The following DTWD2 variants were observed in gnomAD, a reference collection of about 807,000 sequenced individuals.
The protein encoded by DTWD2 is tRNA-uridine aminocarboxypropyltransferase 2.
DTWD2 carries 39 observed loss-of-function variants against 31.8 expected under a neutral mutation model. The ratio of observed to expected loss-of-function variants is 1.22; its 90% CI spans 0.95 to 1.60. The LOEUF is 1.60. Ranked by LOEUF, DTWD2 falls within the 40% of genes most tolerant of loss-of-function variation. The pLI is 0.00. For synonymous variants in DTWD2, 180 were observed against 142.8 expected, an observed-to-expected ratio of 1.26 and a Z score of -1.86; for missense variants, 515 against 381.5, an observed-to-expected ratio of 1.35 and a Z score of -2.92.
chr5:118,952,064 A>T (rs554504623), intron 1 of DTWD2, among the ~76,000 whole-genome samples: 1 of 152,290 alleles, frequency 6.6e-6, no homozygotes, highest in East Asian at 1.9e-4. Flanking sequence ...AATTGAAAGG[A>T]GAAAGGGGTT....
chr5:118,952,893 G>A (rs115186832), intron 1 of DTWD2, among the ~76,000 whole-genome samples: 1,953 of 152,164 alleles, frequency 0.013, 45 homozygotes, highest in African/African-American at 0.044. Flanking sequence ...TATTTTAGTC[G>A]TATGTATTTC....
At chr5:118,843,212 C>T (rs1751763268) in intron 5 of DTWD2, among the ~76,000 whole-genome samples, 1 of 151,774 alleles carries the variant, frequency 6.6e-6, no homozygotes, top group Admixed American at 6.6e-5. Flanking sequence ...GCCTCGGCCT[C>T]CCAAAGTGCT....
At chr5:118,892,729 T>C (rs542140671) in intron 4 of DTWD2, among the ~76,000 whole-genome samples, 18 of 152,242 alleles carry the variant, frequency 1.2e-4, no homozygotes, top group African/African-American at 3.9e-4. Context: ...GGAAATTGTA[T>C]AGTATTTAAC....
chr5:118,884,050 A>G (rs1334585005), intron 4 of DTWD2, among the ~76,000 whole-genome samples: 1 of 152,206 alleles, frequency 6.6e-6, no homozygotes, highest in Non-Finnish European at 1.5e-5. Context: ...CAGTTACTAG[A>G]TTAAAAAGGA....
intron 4 of DTWD2, among the ~76,000 whole-genome samples, chr5:118,854,357 G>T (rs1259443936): frequency 2.8e-4 from 42 of 151,680 alleles, no homozygotes; most frequent in Non-Finnish European, 2.1e-4. Flanking sequence ...AAAACCTTAT[G>T]TCAAAATATT....
rs56346643 is a variant in DTWD2, at chr5:118,913,432, TAC to T, written c.597+15103_597+15104del. Among the ~76,000 whole-genome samples the T allele has an allele frequency of 9.2e-4, 127 of 137,700 alleles. 1 individual carries two copies. The highest frequency in any genetic ancestry group is 3.7e-3 in the Middle Eastern group (1 of 272). 90.3% of individuals were successfully genotyped at this position (137,700 alleles called of 152,430 possible). ...ATAGATATATATAGATATATATATA[TAC>T]ACACACACACACACACGTGTGTGTG... On this transcript the variant is annotated intron_variant, in intron 4 of 5. Transcript: ENST00000510708.
chr5:118,893,409 G>GT (rs1561444768), intron 4 of DTWD2, among the ~76,000 whole-genome samples: 1 of 149,156 alleles, frequency 6.7e-6, no homozygotes, highest in African/African-American at 2.5e-5. Context: ...ATGTATACGT[G>GT]TGTGTGTGTG....
At chr5:118,930,365 T>C (rs1450250834) in intron 3 of DTWD2, among the ~76,000 whole-genome samples, 2 of 152,112 alleles carry the variant, frequency 1.3e-5, no homozygotes, top group African/African-American at 4.8e-5. Flanking sequence ...AGGAGACAAA[T>C]TATCATTTTT....
rs766197274 is a variant in DTWD2 at position 118,928,562 on chromosome 5, T to A, written c.572A>T (p.Asn191Ile). The A allele has an allele frequency of 3.9e-6, 6 of 1,519,266 alleles. No individual in the cohort carries two copies. Among genetic ancestry groups the A allele is most frequent in the Non-Finnish European group, 5.3e-6 (6 of 1,135,524 alleles). 94.1% of individuals were successfully genotyped at this position (1,519,266 alleles called of 1,614,324 possible). Residue 191 changes from asparagine to isoleucine, a missense_variant, in exon 4 of 6, where the codon AAC becomes ATC. Transcript: ENST00000510708. ...CTGTTTGGGATGTCGGAACAAGGAG[T>A]TCTTATAGAAAATGTCCTTAGCCTG... is the stretch of plus-strand genomic sequence containing the variant. ...WSQAKDIFYK[N>I]SLFRHPKQVQ...
Position 118,978,372 on chromosome 5 carries a change from T to C in DTWD2, c.218+9922A>G, listed in dbSNP as rs181656587. Among the ~76,000 whole-genome samples, 204 of 152,260 alleles carry C rather than the reference T, an allele frequency of 1.3e-3. 1 individual carries two copies. Among genetic ancestry groups the C allele is most frequent in the Admixed American group, 3.0e-3 (46 of 15,290 alleles). Reference sequence around the variant, plus strand: ...ATTTTGCAACAAAAGCAAAAATTGATAAATGGGATCTAATTAAACTAAAGA... The same window carrying C: ...ATTTTGCAACAAAAGCAAAAATTGACAAATGGGATCTAATTAAACTAAAGA... On this transcript the variant is annotated intron_variant, in intron 1 of 5. Transcript: ENST00000510708.
At chr5:118,885,891 GC>G (rs1752853002) in intron 4 of DTWD2, among the ~76,000 whole-genome samples, 1 of 152,096 alleles carries the variant, frequency 6.6e-6, no homozygotes, top group Non-Finnish European at 1.5e-5. Context: ...CTTTTACCTG[GC>G]AGGTTGAGGC....
intron 4 of DTWD2, among the ~76,000 whole-genome samples, chr5:118,904,460 G>A (rs1037448362): frequency 6.6e-6 from 1 of 152,038 alleles, no homozygotes; most frequent in African/African-American, 2.4e-5. Context: ...ACCATTTTTT[G>A]TATAACATGT....
In DTWD2 at chr5:118,898,800, C is replaced by CA. The variant is rs1334107950; in HGVS notation, c.597+29736dup. Among the ~76,000 whole-genome samples, 5 of 151,844 alleles carry CA rather than the reference C, an allele frequency of 3.3e-5. No homozygotes were observed. The East Asian group carries it at 5.8e-4, about 18-fold the overall frequency. On this transcript the variant is annotated intron_variant, in intron 4 of 5. Coordinates refer to ENST00000510708, the MANE Select transcript of DTWD2 (RefSeq NM_173666.4). ...CCTAGAACAGCTCTAATTTTAATCACAAAAAAATTGTTATTAAGACATTTA... is the reference window on the plus strand; with the variant it reads ...CCTAGAACAGCTCTAATTTTAATCACAAAAAAAATTGTTATTAAGACATTTA...
At chr5:118,949,464 A>C (rs141499931) in intron 1 of DTWD2, among the ~76,000 whole-genome samples, 1 of 152,300 alleles carries the variant, frequency 6.6e-6, no homozygotes, top group Non-Finnish European at 1.5e-5. Context: ...GGACAGGCAA[A>C]ACAATTTGGT....
chr5:118,955,253 T>C (rs898056920), intron 1 of DTWD2, among the ~76,000 whole-genome samples: 1 of 152,238 alleles, frequency 6.6e-6, no homozygotes. Flanking sequence ...AATAAAACTG[T>C]AGCTCTTTAA....
intron 4 of DTWD2, among the ~76,000 whole-genome samples, chr5:118,852,391 A>G (rs1169426176): frequency 6.6e-6 from 1 of 152,182 alleles, no homozygotes; most frequent in African/African-American, 2.4e-5. Context: ...AAGAAATTAT[A>G]AGAGTATTAC....
At chr5:118,966,895 T>G (rs1754863319) in intron 1 of DTWD2, among the ~76,000 whole-genome samples, 1 of 151,954 alleles carries the variant, frequency 6.6e-6, no homozygotes, top group Non-Finnish European at 1.5e-5. Context: ...CCAGGCACGG[T>G]GGCAGGTGCC....
At chr5:118,960,963 C>A (rs932236476) in intron 1 of DTWD2, among the ~76,000 whole-genome samples, 7 of 152,008 alleles carry the variant, frequency 4.6e-5, no homozygotes, top group African/African-American at 1.7e-4. Context: ...CAAAAAATTA[C>A]CTAGTAGATA....
chr5:118,880,614 T>C (rs1561438873), intron 4 of DTWD2, among the ~76,000 whole-genome samples: 1 of 152,170 alleles, frequency 6.6e-6, no homozygotes, highest in Non-Finnish European at 1.5e-5. Flanking sequence ...AAAATGCATT[T>C]AAATGGTGCT....
Sources: gnomAD v4.1 joint callset for allele counts (sites outside exome capture counted in the v4.1 genomes callset) on GRCh38, gnomAD v4.1.1 for gene constraint, MANE v1.5 for transcripts, NCBI Gene and HGNC (gene_info 2026-07-23, HGNC 2026-07-21) for gene names.